Variants in RHBDF2 observed in about 807,000 individuals in gnomAD.
RHBDF2 encodes the protein inactive rhomboid protein 2.
RHBDF2 carries 38 observed loss-of-function variants against 95.2 expected under a neutral mutation model. The observed-to-expected ratio is 0.40, with a 90% CI of 0.31 to 0.52. The LOEUF is 0.52. Ranked by LOEUF, RHBDF2 falls within the 20% of genes least tolerant of loss-of-function variation. The pLI is 0.56. For missense variants in RHBDF2, 863 were observed against 1,137.7 expected (o/e 0.76, Z 3.47); for synonymous variants, 442 against 462.0 (o/e 0.96, Z 0.55).
rs1227382540 is a variant in RHBDF2, at chr17:76,475,160, G to A, written c.1116-19C>T. 1.3e-6 allele frequency: 2 copies of A among 1,548,240 alleles called. No individual in the cohort carries two copies. The highest frequency in any genetic ancestry group is 1.8e-6 in the Non-Finnish European group (2 of 1,137,728). ...GTAGGGCCTGTGCAGAGACACCTCGGGTCAGCTGAGCCGAGCTCCTATCCC... is the reference window on the plus strand; with the variant it reads ...GTAGGGCCTGTGCAGAGACACCTCGAGTCAGCTGAGCCGAGCTCCTATCCC... On this transcript the variant is annotated intron_variant, in intron 9 of 18. Coordinates refer to ENST00000675367, the MANE Select transcript of RHBDF2 (RefSeq NM_001005498.4).
chr17:76,484,965 G>C (rs905510792), intron 2 of RHBDF2, among the ~76,000 whole-genome samples: 59 of 152,306 alleles, frequency 3.9e-4, no homozygotes, highest in African/African-American at 1.4e-3. Flanking sequence ...AGAAGCGTCT[G>C]GAGGAGCAAA....
At chr17:76,476,806 G>T in intron 9 of RHBDF2, 24 bp downstream of exon 9, 2 of 1,569,250 alleles carry the variant, frequency 1.3e-6, no homozygotes, top group Non-Finnish European at 1.7e-6. Flanking sequence ...AGGCTCTCCT[G>T]GGGGCTCCAG....
Position 76,471,923 on chromosome 17 carries a change from T to TGAAC in RHBDF2, c.2190_2193dup (p.Ile732ValfsTer70), listed in dbSNP as rs1567870490. On this transcript the variant is annotated frameshift_variant, in exon 19 of 19. Transcript: ENST00000675367. LOFTEE classifies it high-confidence loss of function. ...TCGATCCAGGGCAGGAGGCCACAGA[T>TGAAC]GAACAGGAAGAGCACGATGGCCGAG... 1 of 1,575,140 alleles carries TGAAC rather than the reference T, an allele frequency of 6.3e-7. No individual in the cohort carries two copies. Among genetic ancestry groups the TGAAC allele is most frequent in the Non-Finnish European group, 8.6e-7 (1 of 1,160,186 alleles).
intron 1 of RHBDF2, among the ~76,000 whole-genome samples, chr17:76,496,073 C>G (rs2074420163): frequency 6.6e-6 from 1 of 152,136 alleles, no homozygotes; most frequent in South Asian, 2.1e-4. Flanking sequence ...CCTGGGCCAC[C>G]TACCTGCTGG....
In RHBDF2 at chr17:76,474,779, T is replaced by C. The variant is rs765594797; in HGVS notation, c.1253A>G (p.Glu418Gly). 1 of 1,614,156 alleles carries C rather than the reference T, an allele frequency of 6.2e-7. No individual in the cohort carries two copies. Among genetic ancestry groups the C allele is most frequent in the Non-Finnish European group, 8.5e-7 (1 of 1,180,008 alleles). ...CTCCTGCTGGATGTACTTCACGCTC[T>C]CGTACACACCTTTGTTCCGCAGCAC... ...QLVLRNKGVY[E>G]SVKYIQQENF... is the part of the protein sequence containing the mutation. The change falls in exon 11 of 19, where the codon GAG becomes GGG. Residue 418 changes from glutamate (E) to glycine (G), a missense_variant. Physicochemically the swap from Glu to Gly is moderately conservative, Grantham distance 98. Around this residue, in one of 2 missense-constraint regions of RHBDF2, gnomAD observed 611 missense variants for 725.5 expected, o/e 0.84. Transcript: ENST00000675367.
chr17:76,486,466 A>G (rs1448884265), intron 2 of RHBDF2, among the ~76,000 whole-genome samples: 5 of 152,160 alleles, frequency 3.3e-5, no homozygotes. Flanking sequence ...TAATCCCAGC[A>G]ATTTGAGAGA....
chr17:76,481,885 C>T (rs368621778), intron 2 of RHBDF2: 12 of 198,618 alleles, frequency 6.0e-5, no homozygotes, highest in South Asian at 8.9e-5. Flanking sequence ...CAGGAGGCAG[C>T]GGTTATAGTA....
At chr17:76,472,497 G>A (rs1379597940) in intron 18 of RHBDF2, 189 bp downstream of exon 18, 5 of 729,964 alleles carry the variant, frequency 6.8e-6, no homozygotes, top group Non-Finnish European at 1.2e-5. Context: ...GGTGACTCAA[G>A]AGCATCACTG....
intron 3 of RHBDF2, 136 bp downstream of exon 3, chr17:76,481,239 C>T (rs944389425): frequency 3.0e-6 from 3 of 1,007,472 alleles, no homozygotes; most frequent in South Asian, 1.7e-5. Context: ...GGGTAGGGCC[C>T]GAGTCAAGGG....
At chr17:76,496,910 T>C (rs1253592196) in intron 1 of RHBDF2, among the ~76,000 whole-genome samples, 1 of 152,152 alleles carries the variant, frequency 6.6e-6, no homozygotes, top group East Asian at 1.9e-4. Flanking sequence ...TACAGGTGCA[T>C]GCCACCACAC....
Position 76,475,095 on chromosome 17 carries a change from G to A in RHBDF2, c.1162C>T (p.Leu388=). 1 of 1,601,122 alleles carries A rather than the reference G, an allele frequency of 6.2e-7. No homozygotes were observed. Among genetic ancestry groups the A allele is most frequent in the Non-Finnish European group, 8.5e-7 (1 of 1,174,742 alleles). Residue 388 remains leucine, a synonymous_variant, in exon 10 of 19, where the codon CTG becomes TTG. Coordinates refer to ENST00000675367, the MANE Select transcript of RHBDF2 (RefSeq NM_001005498.4). The part of the protein sequence containing the change: ...WLTFVHVIIT[L]LVICTYGIAP... ...ATGCCATACGTGCAAATCACCAGCA[G>A]CGTGATGATGACATGGACGAAGGTC... is the stretch of plus-strand genomic sequence containing the variant.
At position 76,472,222 on chromosome 17, in the gene RHBDF2, C is replaced by T. The variant is rs148742908; in HGVS notation, c.2065-170G>A. 1.8e-3 allele frequency: 1,195 copies of T among 648,742 alleles called. 10 individuals are homozygous for T. The highest frequency in any genetic ancestry group is 0.018 in the African/African-American group (1,002 of 54,756). The allele number at this position is 648,742 out of a possible 1,614,324, so 40.2% of individuals were successfully genotyped here. The stretch of plus-strand genomic sequence containing the variant: ...TGCTGGACCAAAGCTGGGCCTGCTC[C>T]GCCCATTCTTTCAGCAAACACTGAG... On this transcript the variant is annotated intron_variant, in intron 18 of 18. Transcript: ENST00000675367.
Position 76,481,361 on chromosome 17 carries a change from G to A in RHBDF2, c.150+14C>T, listed in dbSNP as rs1393455559. 1 of 1,606,426 alleles carries A rather than the reference G, an allele frequency of 6.2e-7. No individual in the cohort carries two copies. Among genetic ancestry groups the A allele is most frequent in the Non-Finnish European group, 8.5e-7 (1 of 1,177,264 alleles). Reference sequence around the variant, plus strand: ...CTACGGCAGAACAGTGAGCCCCCAGGCCAGCCCCCTTACCTCAGGCAGCAT... The same window carrying A: ...CTACGGCAGAACAGTGAGCCCCCAGACCAGCCCCCTTACCTCAGGCAGCAT... On this transcript the variant is annotated intron_variant, in intron 3 of 18. Coordinates refer to ENST00000675367, the MANE Select transcript of RHBDF2 (RefSeq NM_001005498.4).
At chr17:76,493,270 A>G (rs1005708588) in intron 1 of RHBDF2, 2 of 152,228 alleles carry the variant, frequency 1.3e-5, no homozygotes, top group Admixed American at 6.5e-5. Flanking sequence ...GAAAGCTGCA[A>G]AGAGGAAGCT....
intron 1 of RHBDF2, among the ~76,000 whole-genome samples, chr17:76,492,724 C>G (rs949286042): frequency 6.6e-6 from 1 of 152,206 alleles, no homozygotes; most frequent in African/African-American, 2.4e-5. Flanking sequence ...AGGGTGCAGT[C>G]CCCACAAGCC....
At chr17:76,478,626 G>A (rs1047140745) in intron 6 of RHBDF2, among the ~76,000 whole-genome samples, 180 bp downstream of exon 6, 4 of 152,200 alleles carry the variant, frequency 2.6e-5, no homozygotes, top group African/African-American at 4.8e-5. Flanking sequence ...AAGGATGGAC[G>A]CCTGGGTGCT....
In RHBDF2 at chr17:76,473,319, A is replaced by G. The variant is rs1842508778; in HGVS notation, c.1742T>C (p.Ile581Thr). Residue 581 changes from isoleucine (I) to threonine (T), a missense_variant, in exon 16 of 19, where the codon ATC (isoleucine) becomes ACC (threonine). This residue lies in a region of RHBDF2 where 252 missense variants were observed against 412.2 expected (regional missense o/e 0.61). Transcript: ENST00000675367. ...GAACTCACAGTATTCCCGGGTGGTG[A>G]TCTCACAGCTAAGGGGGTGGTGAGG... ...CCIGTKGSCEITTREYCEFMH... is the reference protein window; with the variant it reads ...CCIGTKGSCETTTREYCEFMH... 4 of 1,611,554 alleles carry G rather than the reference A, an allele frequency of 2.5e-6. No homozygotes were observed. Among genetic ancestry groups the G allele is most frequent in the Non-Finnish European group, 3.4e-6 (4 of 1,178,816 alleles).
At chr17:76,481,690 C>G in intron 2 of RHBDF2, 145 bp from the exon 3 acceptor site, 2 of 675,954 alleles carry the variant, frequency 3.0e-6, no homozygotes, top group Non-Finnish European at 4.8e-6. Context: ...CGCGGTGGCT[C>G]ACGCCTGTAA....
At chr17:76,484,427 C>T (rs934778014) in intron 2 of RHBDF2, among the ~76,000 whole-genome samples, 3 of 152,004 alleles carry the variant, frequency 2.0e-5, no homozygotes, top group African/African-American at 7.3e-5. Flanking sequence ...TGGGCTGAGG[C>T]GTGGCATGCA....
Sources: allele counts gnomAD v4.1 joint callset (sites outside exome capture counted in the v4.1 genomes callset), GRCh38; gene constraint gnomAD v4.1.1; regional missense constraint gnomAD v4.1.1; transcripts MANE v1.5; gene names NCBI Gene and HGNC (gene_info 2026-07-23, HGNC 2026-07-21).